Variants in GRM1 observed in about 807,000 individuals in gnomAD.
GRM1 encodes metabotropic glutamate receptor 1.
A neutral mutation model predicts 90.9 loss-of-function variants in GRM1; 33 were observed. The ratio of observed to expected loss-of-function variants is 0.36; its 90% CI spans 0.28 to 0.49. GRM1 has a LOEUF of 0.49. Among genes scored for constraint, GRM1 ranks in the 20% least tolerant of loss-of-function variants. GRM1 has a pLI of 0.99. For missense variants in GRM1, 1,190 were observed against 1,534.3 expected (o/e 0.78, Z 3.75); for synonymous variants, 700 against 613.2 (o/e 1.14, Z -2.09).
At position 146,029,862 on chromosome 6, in the gene GRM1, T is replaced by G. The variant is rs1427298683; in HGVS notation, c.345T>G (p.Ala115=). 1 of 1,614,118 alleles carries G rather than the reference T, an allele frequency of 6.2e-7. No homozygotes were observed. The highest frequency in any genetic ancestry group is 8.5e-7 in the Non-Finnish European group (1 of 1,179,988). The part of the protein sequence containing the change: ...IRDSCWHSSV[A]LEQSIEFIRD... Reference sequence around the variant, plus strand: ...ACTCCTGCTGGCACTCTTCCGTGGCTCTGGAACAGAGCATTGAGTTCATTA... The same window carrying G: ...ACTCCTGCTGGCACTCTTCCGTGGCGCTGGAACAGAGCATTGAGTTCATTA... Residue 115 remains alanine, a synonymous_variant, in exon 1 of 8, where the codon GCT becomes GCG. Coordinates refer to ENST00000282753, the MANE Select transcript of GRM1 (RefSeq NM_001278064.2).
At chr6:146,191,551 A>G (rs988289389) in intron 2 of GRM1, among the ~76,000 whole-genome samples, 1 of 152,202 alleles carries the variant, frequency 6.6e-6, no homozygotes, top group Non-Finnish European at 1.5e-5. Flanking sequence ...TTTCAGGGTC[A>G]CATCACTGTC....
At chr6:146,141,651 A>G (rs550265542) in intron 1 of GRM1, among the ~76,000 whole-genome samples, 1 of 152,224 alleles carries the variant, frequency 6.6e-6, no homozygotes, top group South Asian at 2.1e-4. Flanking sequence ...CCTCTGCTTG[A>G]TCAATTCTGC....
intron 2 of GRM1, among the ~76,000 whole-genome samples, chr6:146,167,522 T>C (rs929145308): frequency 1.3e-5 from 2 of 152,094 alleles, no homozygotes; most frequent in Non-Finnish European, 2.9e-5. Context: ...TGTATGAGAG[T>C]TCTAATTCCT....
At chr6:146,127,415 G>A (rs1178687117) in intron 1 of GRM1, among the ~76,000 whole-genome samples, 1 of 152,124 alleles carries the variant, frequency 6.6e-6, no homozygotes, top group Non-Finnish European at 1.5e-5. Context: ...AAATAGAAGT[G>A]CCCATCTCAG....
At chr6:146,286,173 A>G (rs1562582591) in intron 2 of GRM1, among the ~76,000 whole-genome samples, 1 of 152,132 alleles carries the variant, frequency 6.6e-6, no homozygotes, top group Non-Finnish European at 1.5e-5. Flanking sequence ...TTAAACACTA[A>G]AAATTTATAA....
intron 2 of GRM1, among the ~76,000 whole-genome samples, chr6:146,215,858 G>C (rs967802734): frequency 6.6e-6 from 1 of 151,532 alleles, no homozygotes; most frequent in East Asian, 2.0e-4. Flanking sequence ...CTGGGTTCAC[G>C]CCATCCTCCT....
intron 2 of GRM1, among the ~76,000 whole-genome samples, chr6:146,266,989 A>G (rs1336875454): frequency 6.6e-6 from 1 of 152,156 alleles, no homozygotes; most frequent in African/African-American, 2.4e-5. Flanking sequence ...TCATCCCATC[A>G]CCTAGGTATT....
chr6:146,283,280 T>C (rs564993425), intron 2 of GRM1, among the ~76,000 whole-genome samples: 1 of 152,142 alleles, frequency 6.6e-6, no homozygotes, highest in Non-Finnish European at 1.5e-5. Context: ...TTGTTATAAT[T>C]AAAGAATGAA....
intron 2 of GRM1, among the ~76,000 whole-genome samples, chr6:146,302,256 T>G (rs1783414576): frequency 6.6e-6 from 1 of 150,692 alleles, no homozygotes; most frequent in Non-Finnish European, 1.5e-5. Flanking sequence ...TCTAATTACC[T>G]CTGTCCCCCA....
chr6:146,423,177 C>A (rs528080310), intron 7 of GRM1, among the ~76,000 whole-genome samples: 2 of 152,214 alleles, frequency 1.3e-5, no homozygotes, highest in Non-Finnish European at 2.9e-5. Flanking sequence ...CCCCCATATG[C>A]TACATTTTCC....
rs76927750 is a variant in GRM1, at chr6:146,056,426, A to G, written c.700+26209A>G. Among the ~76,000 whole-genome samples the G allele has an allele frequency of 3.5e-3, 526 of 152,238 alleles. 3 individuals are homozygous for G. Among genetic ancestry groups the G allele is most frequent in the African/African-American group, 0.011 (442 of 41,564 alleles). On this transcript the variant is annotated intron_variant, in intron 1 of 7. Transcript: ENST00000282753. Reference sequence around the variant, plus strand: ...TCCCTGTCTTTACATTGCAGCAACTAATTAATTTTTTGAAACACCATATAG... The same window carrying G: ...TCCCTGTCTTTACATTGCAGCAACTGATTAATTTTTTGAAACACCATATAG...
chr6:146,186,817 C>A (rs528946826), intron 2 of GRM1, among the ~76,000 whole-genome samples: 2 of 152,270 alleles, frequency 1.3e-5, no homozygotes, highest in East Asian at 3.9e-4. Flanking sequence ...ATTTGCTGTT[C>A]GCACTATGTG....
chr6:146,029,162 A>T lies in GRM1; in HGVS notation c.-356A>T. On this transcript the variant is annotated 5_prime_UTR_variant, in exon 1 of 8. Coordinates refer to ENST00000282753, the MANE Select transcript of GRM1 (RefSeq NM_001278064.2). ...GAGTTTTAACACAGGTCCTCTGATG[A>T]CAAGGTTGTGATTTTTCTCTGTCTT... 5.4e-6 allele frequency: 2 copies of T among 369,628 alleles called. No homozygotes were observed. The highest frequency in any genetic ancestry group is 4.7e-5 in the South Asian group (2 of 42,408). 22.9% of individuals were successfully genotyped at this position (369,628 alleles called of 1,614,324 possible). A position where few individuals can be genotyped will look rare whatever the true frequency, so the allele number is the denominator to read the frequency against.
intron 2 of GRM1, among the ~76,000 whole-genome samples, chr6:146,254,789 A>G (rs1643018708): frequency 6.6e-6 from 1 of 152,182 alleles, no homozygotes; most frequent in African/African-American, 2.4e-5. Context: ...ATTGTACCAA[A>G]TATTAGCAAA....
At chr6:146,400,581 GAGA>G (rs1469593783) in intron 7 of GRM1, among the ~76,000 whole-genome samples, 4 of 151,954 alleles carry the variant, frequency 2.6e-5, no homozygotes, top group South Asian at 2.1e-4. Flanking sequence ...TTTCTATTTT[GAGA>G]AGAAGCATAT....
intron 1 of GRM1, among the ~76,000 whole-genome samples, chr6:146,134,824 G>A (rs965055873): frequency 6.6e-6 from 1 of 152,108 alleles, no homozygotes; most frequent in Non-Finnish European, 1.5e-5. Flanking sequence ...CCAGCTACTC[G>A]GGAGGCTGAG....
chr6:146,304,861 C>A lies in GRM1; in HGVS notation c.1186+15C>A. 6.6e-7 allele frequency: 1 copy of A among 1,509,916 alleles called. No individual in the cohort carries two copies. Among genetic ancestry groups the A allele is most frequent in the Non-Finnish European group, 9.2e-7 (1 of 1,084,980 alleles). The allele number at this position is 1,509,916 out of a possible 1,614,324, so 93.5% of individuals were successfully genotyped here. A position where few individuals can be genotyped will look rare whatever the true frequency, so the allele number is the denominator to read the frequency against. ...AATCTGCACAGGTAACTCATGTTCACAAAATAACAACTCAGAGGTTTGGTC... is the reference window on the plus strand; with the variant it reads ...AATCTGCACAGGTAACTCATGTTCAAAAAATAACAACTCAGAGGTTTGGTC... On this transcript the variant is annotated intron_variant, in intron 3 of 7. Coordinates refer to ENST00000282753, the MANE Select transcript of GRM1 (RefSeq NM_001278064.2).
chr6:146,410,744 C>T (rs75369739), intron 7 of GRM1, among the ~76,000 whole-genome samples: 1 of 151,694 alleles, frequency 6.6e-6, no homozygotes, highest in African/African-American at 2.4e-5. Flanking sequence ...AGAGGGACCA[C>T]GATGTAAAGA....
intron 1 of GRM1, among the ~76,000 whole-genome samples, chr6:146,140,090 A>ACTCTTTCTTTCTTTCTTTCT: frequency 1.7e-5 from 1 of 57,838 alleles, no homozygotes; most frequent in East Asian, 5.5e-4. Context: ...TTCTTTCTTT[A>ACTCTTTCTTTCTTTCTTTCT]TTCTTTCTTT....
Sources: gnomAD v4.1 joint callset for allele counts (sites outside exome capture counted in the v4.1 genomes callset) on GRCh38, gnomAD v4.1.1 for gene constraint, MANE v1.5 for transcripts, NCBI Gene and HGNC (gene_info 2026-07-23, HGNC 2026-07-21) for gene names.